CDH8: variants seen among roughly 807,000 people sequenced by gnomAD.
CDH8 encodes the protein cadherin-8.
In CDH8, 17 loss-of-function variants were observed where a neutral mutation model predicts 68.1. The ratio of observed to expected loss-of-function variants is 0.25; its 90% CI spans 0.17 to 0.37. The LOEUF (loss-of-function observed/expected upper bound fraction) is 0.37, where lower values mean the gene tolerates loss of function less well. Among genes scored for constraint, CDH8 ranks in the 10% least tolerant of loss-of-function variants. The pLI is 1.00. For synonymous variants in CDH8, 372 were observed against 365.1 expected, an observed-to-expected ratio of 1.02 and a Z score of -0.21; for missense variants, 763 against 999.3, an observed-to-expected ratio of 0.76 and a Z score of 3.19.
At chr16:61,775,162 G>A (rs919621749) in intron 8 of CDH8, among the ~76,000 whole-genome samples, 4 of 152,078 alleles carry the variant, frequency 2.6e-5, no homozygotes, top group Non-Finnish European at 5.9e-5. Flanking sequence ...CCAGGAGTTA[G>A]AGACCGGCCT....
At chr16:61,978,890 C>T (rs1211086962) in intron 2 of CDH8, among the ~76,000 whole-genome samples, 2 of 152,088 alleles carry the variant, frequency 1.3e-5, no homozygotes, top group African/African-American at 2.4e-5. Flanking sequence ...TCCTCACCTC[C>T]CTCCTGCCAA....
In CDH8 at chr16:61,729,289, T is replaced by C. The variant is rs562343803; in HGVS notation, c.1415-2074A>G. ...AAAAATACATATACATGTGTATTTGTGCCTCTGTGTGTGTGTATGTGTGTA... is the reference window on the plus strand; with the variant it reads ...AAAAATACATATACATGTGTATTTGCGCCTCTGTGTGTGTGTATGTGTGTA... On this transcript the variant is annotated intron_variant, in intron 8 of 11. Coordinates refer to ENST00000577390, the MANE Select transcript of CDH8 (RefSeq NM_001796.5). Among the ~76,000 whole-genome samples, 162 of 151,344 alleles carry C rather than the reference T, an allele frequency of 1.1e-3. 1 individual carries two copies. Among genetic ancestry groups the C allele is most frequent in the Admixed American group, 3.8e-3 (58 of 15,114 alleles).
chr16:61,956,299 A>C (rs565551472), intron 2 of CDH8, among the ~76,000 whole-genome samples: 1 of 152,274 alleles, frequency 6.6e-6, no homozygotes, highest in East Asian at 1.9e-4. Flanking sequence ...AGTGATATTT[A>C]TGTGTTTGTT....
At chr16:61,761,637 G>T (rs1251548526) in intron 8 of CDH8, among the ~76,000 whole-genome samples, 2 of 152,146 alleles carry the variant, frequency 1.3e-5, no homozygotes, top group Non-Finnish European at 2.9e-5. Context: ...TGACACCTGG[G>T]CACTAGCAAG....
At chr16:61,796,441 A>C (rs2142995751) in intron 7 of CDH8, among the ~76,000 whole-genome samples, 1 of 152,164 alleles carries the variant, frequency 6.6e-6, no homozygotes, top group South Asian at 2.1e-4. Flanking sequence ...AGTAAGAAGA[A>C]ACTTCTCATT....
intron 3 of CDH8, among the ~76,000 whole-genome samples, chr16:61,875,734 T>C (rs992237983): frequency 2.6e-5 from 4 of 152,190 alleles, no homozygotes; most frequent in African/African-American, 9.7e-5. Flanking sequence ...TTTAAACTTT[T>C]AATATGTGTT....
intron 3 of CDH8, among the ~76,000 whole-genome samples, chr16:61,866,226 T>C (rs1441184917): frequency 2.2e-5 from 3 of 135,936 alleles, no homozygotes; most frequent in Non-Finnish European, 3.2e-5. Context: ...CCTGTCTCAA[T>C]AAAAAAAAAA....
intron 2 of CDH8, among the ~76,000 whole-genome samples, chr16:62,009,616 G>A (rs1443736371): frequency 6.6e-6 from 1 of 152,050 alleles, no homozygotes; most frequent in Non-Finnish European, 1.5e-5. Context: ...ACTTTAAGAA[G>A]AACCTAGAAA....
At chr16:61,721,581 C>A (rs1471713459) in intron 9 of CDH8, among the ~76,000 whole-genome samples, 2 of 150,470 alleles carry the variant, frequency 1.3e-5, no homozygotes, top group Admixed American at 6.7e-5. Flanking sequence ...AGCTTTATTT[C>A]TTTTCATTTA....
intron 8 of CDH8, among the ~76,000 whole-genome samples, chr16:61,739,734 A>AAAAAGAAAAG (rs529131501): frequency 0.11 from 15,895 of 141,886 alleles, 936 homozygotes; most frequent in African/African-American, 0.13. Flanking sequence ...CCTCAAAAAA[A>AAAAAGAAAAG]AAAAGAAAAG....
intron 10 of CDH8, among the ~76,000 whole-genome samples, chr16:61,689,490 C>T (rs1018680642): frequency 5.9e-5 from 9 of 152,102 alleles, no homozygotes; most frequent in African/African-American, 2.2e-4. Context: ...GTGAATACTA[C>T]TTCTGCCACT....
chr16:61,860,040 A>G (rs1216359608), intron 3 of CDH8, among the ~76,000 whole-genome samples: 1 of 151,918 alleles, frequency 6.6e-6, no homozygotes, highest in Non-Finnish European at 1.5e-5. Flanking sequence ...CACGTTTTTC[A>G]CCATGTTGGC....
At chr16:61,721,250 A>T (rs1432301136) in intron 9 of CDH8, among the ~76,000 whole-genome samples, 1 of 150,824 alleles carries the variant, frequency 6.6e-6, no homozygotes, top group Non-Finnish European at 1.5e-5. Flanking sequence ...TTAATTTACC[A>T]TCTCCTTACT....
At chr16:61,945,437 T>TAAA (rs59806534) in intron 2 of CDH8, among the ~76,000 whole-genome samples, 1,288 of 120,388 alleles carry the variant, frequency 0.011, 14 homozygotes, top group South Asian at 0.022. Flanking sequence ...GATGCATGAT[T>TAAA]AAAAAAAAAA....
At chr16:61,830,691 C>T (rs541894358) in intron 4 of CDH8, among the ~76,000 whole-genome samples, 21 of 151,834 alleles carry the variant, frequency 1.4e-4, no homozygotes, top group African/African-American at 4.3e-4. Context: ...TAAGTTTAAC[C>T]TTCCATTACA....
intron 5 of CDH8, among the ~76,000 whole-genome samples, chr16:61,822,205 C>CCTTTTTTTTTTTTTTTTTTTT (rs1962230457): frequency 4.4e-5 from 2 of 45,630 alleles, no homozygotes; most frequent in African/African-American, 2.2e-4. Context: ...AAAAACGCAC[C>CCTTTTTTTTTTTTTTTTTTTT]TTTTTTTTTT....
chr16:61,969,633 T>A (rs746479892), intron 2 of CDH8, among the ~76,000 whole-genome samples: 6 of 152,222 alleles, frequency 3.9e-5, no homozygotes, highest in Non-Finnish European at 7.3e-5. Flanking sequence ...TAACAAAGAT[T>A]TACTGACCAT....
At chr16:61,778,188 C>G (rs1262149018) in intron 8 of CDH8, among the ~76,000 whole-genome samples, 2 of 152,116 alleles carry the variant, frequency 1.3e-5, no homozygotes, top group Non-Finnish European at 2.9e-5. Flanking sequence ...AATAGCTTCT[C>G]TCCCACTATC....
At chr16:61,921,078 G>T (rs1197675881) in intron 2 of CDH8, among the ~76,000 whole-genome samples, 2 of 135,936 alleles carry the variant, frequency 1.5e-5, no homozygotes, top group East Asian at 4.5e-4. Context: ...CACAGGAAGG[G>T]GAACATCACA....
Sources: gnomAD v4.1 joint callset for allele counts (sites outside exome capture counted in the v4.1 genomes callset) on GRCh38, gnomAD v4.1.1 for gene constraint, MANE v1.5 for transcripts, NCBI Gene and HGNC (gene_info 2026-07-23, HGNC 2026-07-21) for gene names.